FAM135B: variants seen among roughly 807,000 people sequenced by gnomAD.
FAM135B encodes protein FAM135B.
Under a neutral mutation model 127.7 loss-of-function variants are expected in FAM135B, and 43 were observed. The ratio of observed to expected loss-of-function variants is 0.34; its 90% CI spans 0.26 to 0.43. FAM135B has a LOEUF of 0.43. Ranked by LOEUF, FAM135B falls within the 20% of genes least tolerant of loss-of-function variation. The pLI, the probability that FAM135B is intolerant of heterozygous loss-of-function variation, is 1.00. For synonymous variants in FAM135B, 670 were observed against 665.1 expected (o/e 1.01, Z -0.11); for missense variants, 1,558 against 1,725.6 (o/e 0.90, Z 1.72).
At chr8:138,317,070 T>C (rs1215249607) in intron 2 of FAM135B, among the ~76,000 whole-genome samples, 4 of 152,148 alleles carry the variant, frequency 2.6e-5, no homozygotes, top group Non-Finnish European at 5.9e-5. Context: ...AACTTACTTA[T>C]GCAAGAACTT....
At chr8:138,328,075 T>G (rs1226400191) in intron 2 of FAM135B, among the ~76,000 whole-genome samples, 2 of 152,164 alleles carry the variant, frequency 1.3e-5, no homozygotes, top group Non-Finnish European at 2.9e-5. Flanking sequence ...CTGCATTCAG[T>G]GTTTTTATAT....
At chr8:138,303,505 G>C (rs1296766671) in intron 3 of FAM135B, among the ~76,000 whole-genome samples, 1 of 152,126 alleles carries the variant, frequency 6.6e-6, no homozygotes, top group East Asian at 1.9e-4. Flanking sequence ...AAAACCTGGA[G>C]ATGGGTTGGT....
rs1203835973 is a variant in FAM135B at position 138,152,140 on chromosome 8, G to T, written c.2335C>A (p.Pro779Thr). The change falls in exon 13 of 20, where the codon CCA becomes ACA. Residue 779 changes from proline to threonine, a missense_variant. Pro to Thr is a conservative substitution (Grantham distance 38). Transcript: ENST00000395297. ...TCCGCATCTTCAGCAGCCTCCTCTG[G>T]GCTACTGATGTGGGGAGCAGATACA... ...KSVSAPHISS[P>T]EEAAEDADTK... 3.1e-6 allele frequency: 5 copies of T among 1,613,882 alleles called. No individual in the cohort carries two copies. In the South Asian group the frequency reaches 4.4e-5, roughly 14 times the overall value.
At position 138,143,086 on chromosome 8, in the gene FAM135B, A is replaced by G; in HGVS notation, c.3564T>C (p.Asp1188=). ...CATCCAATAACCGATCCGTCATAGT[A>G]TCAAAATCTGCAAATGTGTCCATCT... The part of the protein sequence containing the change: ...KNQMDTFADF[D]TMTDRLLDEI... Residue 1188 remains aspartate, a synonymous_variant, in exon 16 of 20, where the codon GAT becomes GAC. Coordinates refer to ENST00000395297, the MANE Select transcript of FAM135B (RefSeq NM_015912.4). 2 of 1,607,406 alleles carry G rather than the reference A, an allele frequency of 1.2e-6. No individual in the cohort carries two copies. Among genetic ancestry groups the G allele is most frequent in the Non-Finnish European group, 1.7e-6 (2 of 1,173,898 alleles).
intron 1 of FAM135B, among the ~76,000 whole-genome samples, chr8:138,482,335 G>A (rs1814815664): frequency 6.6e-6 from 1 of 152,188 alleles, no homozygotes; most frequent in African/African-American, 2.4e-5. Flanking sequence ...CTCAGAAGAT[G>A]CCTGTAATCT....
intron 2 of FAM135B, among the ~76,000 whole-genome samples, chr8:138,316,028 A>G (rs1388164639): frequency 6.6e-6 from 1 of 152,230 alleles, no homozygotes; most frequent in Non-Finnish European, 1.5e-5. Flanking sequence ...TACTTACCAC[A>G]GAAAAATTTA....
In FAM135B at chr8:138,241,782, C is replaced by T. The variant is rs1441939230; in HGVS notation, c.669+1160G>A. ...TCATCTTACTTGGGCCACAAGGTGC[C>T]CAGACGTTTGGTTGAACATTATTCT... is the stretch of plus-strand genomic sequence containing the variant. On this transcript the variant is annotated intron_variant, in intron 7 of 19. Transcript: ENST00000395297. This position sits in a 1 kb window ranked among gnomAD's most constrained non-coding sequence, Gnocchi z 4.8. Among the ~76,000 whole-genome samples the T allele has an allele frequency of 6.6e-6, 1 of 152,086 alleles. No individual in the cohort carries two copies. The highest frequency in any genetic ancestry group is 6.5e-5 in the Admixed American group (1 of 15,272).
At chr8:138,174,444 A>G (rs1002583873) in intron 11 of FAM135B, among the ~76,000 whole-genome samples, 2 of 152,072 alleles carry the variant, frequency 1.3e-5, no homozygotes, top group Admixed American at 1.3e-4. Flanking sequence ...CCTCTTCACT[A>G]TCTCACAGTA....
At chr8:138,168,232 A>G (rs1444580122) in intron 11 of FAM135B, among the ~76,000 whole-genome samples, 183 bp from the exon 12 acceptor site, 1 of 152,118 alleles carries the variant, frequency 6.6e-6, no homozygotes, top group East Asian at 1.9e-4. Context: ...TTGTTTTGGA[A>G]CTGGCTGAGG....
intron 1 of FAM135B, among the ~76,000 whole-genome samples, chr8:138,472,320 A>C (rs778949204): frequency 2.7e-4 from 41 of 152,166 alleles, no homozygotes; most frequent in Non-Finnish European, 2.2e-4. Context: ...AGTTCCTTGA[A>C]GAAGAGAAGG....
chr8:138,193,519 G>A (rs928274640), intron 9 of FAM135B, among the ~76,000 whole-genome samples: 2 of 152,192 alleles, frequency 1.3e-5, no homozygotes, highest in Admixed American at 6.5e-5. Flanking sequence ...TGGAAAAGCC[G>A]AGTTGGAAAG....
chr8:138,258,992 G>T (rs1822332668), intron 4 of FAM135B, among the ~76,000 whole-genome samples: 1 of 152,130 alleles, frequency 6.6e-6, no homozygotes, highest in South Asian at 2.1e-4. Context: ...TATTTGGCAG[G>T]TAATAAATTA....
intron 3 of FAM135B, among the ~76,000 whole-genome samples, chr8:138,276,655 C>T (rs61020257): frequency 5.5e-4 from 84 of 152,348 alleles, no homozygotes; most frequent in Middle Eastern, 3.4e-3. Context: ...AATGAGCTGT[C>T]TCCACCACAG....
intron 3 of FAM135B, among the ~76,000 whole-genome samples, chr8:138,272,003 T>G (rs1823420475): frequency 1.4e-5 from 2 of 145,804 alleles, no homozygotes; most frequent in Non-Finnish European, 3.0e-5. Flanking sequence ...CTCCAAATGT[T>G]TTTTTTTTTT....
intron 8 of FAM135B, among the ~76,000 whole-genome samples, chr8:138,197,109 GTGTGTGTGTATA>G (rs769939809): frequency 0.016 from 666 of 42,550 alleles, 3 homozygotes; most frequent in East Asian, 0.071. Flanking sequence ...GTGTGTGTGT[GTGTGTGTGTATA>G]TATATAGTTT....
intron 7 of FAM135B, among the ~76,000 whole-genome samples, chr8:138,206,388 TCCACCTACACACAGCTCTATCGTCCCC>T (rs1223289544): frequency 6.7e-6 from 1 of 148,674 alleles, no homozygotes; most frequent in Non-Finnish European, 1.5e-5. Context: ...TATCATCCCC[TCCACCTACACACAGCTCTATCGTCCCC>T]TCCACCTACA....
Position 138,243,383 on chromosome 8 carries a change from G to A in FAM135B, c.543-315C>T, listed in dbSNP as rs1350628123. 6.6e-6 allele frequency among the ~76,000 whole-genome samples: 1 copy of A among 152,194 alleles called. No individual in the cohort carries two copies. Among genetic ancestry groups the A allele is most frequent in the Admixed American group, 6.5e-5 (1 of 15,282 alleles). ...GCTCCAAGCTTATATCACTAGAGGG[G>A]AAGGTGGCATGGGCTCCGAAAATTT... On this transcript the variant is annotated intron_variant, in intron 6 of 19. Transcript: ENST00000395297. The surrounding 1 kb of genome is among the most constrained non-coding windows in gnomAD (Gnocchi z 7.5).
chr8:138,488,786 C>G (rs1454079448), intron 1 of FAM135B, among the ~76,000 whole-genome samples: 1 of 152,158 alleles, frequency 6.6e-6, no homozygotes, highest in Non-Finnish European at 1.5e-5. Context: ...CCTGCCTCAG[C>G]TTCCCAAGTA....
intron 7 of FAM135B, among the ~76,000 whole-genome samples, chr8:138,203,353 C>T (rs1232843396): frequency 6.6e-6 from 1 of 152,104 alleles, no homozygotes; most frequent in Non-Finnish European, 1.5e-5. Context: ...TGCCCAACAC[C>T]CAAGAACAAA....
Sources: allele counts gnomAD v4.1 joint callset (sites outside exome capture counted in the v4.1 genomes callset), GRCh38; gene constraint gnomAD v4.1.1; non-coding constraint Gnocchi (gnomAD v3.1); transcripts MANE v1.5; gene names NCBI Gene and HGNC (gene_info 2026-07-23, HGNC 2026-07-21).